NCOR1: variants seen among roughly 807,000 people sequenced by gnomAD.
NCOR1 encodes nuclear receptor corepressor 1.
Under a neutral mutation model 288.1 loss-of-function variants are expected in NCOR1, and 63 were observed. That is an observed-to-expected ratio of 0.22 (90% CI 0.18 to 0.27). The LOEUF (loss-of-function observed/expected upper bound fraction) is 0.27. Ranked by LOEUF, NCOR1 falls within the 10% of genes least tolerant of loss-of-function variation. NCOR1 has a pLI of 1.00. For synonymous variants in NCOR1, 1,007 were observed against 1,065.9 expected (o/e 0.94, Z 1.08); for missense variants, 2,397 against 3,019.2 (o/e 0.79, Z 4.83).
intron 1 of NCOR1, among the ~76,000 whole-genome samples, chr17:16,209,636 G>GT (rs569325583): frequency 6.6e-4 from 60 of 90,430 alleles, no homozygotes; most frequent in Non-Finnish European, 1.1e-3. Context: ...GCTTTTGGAT[G>GT]TAAAAAAAAA....
At chr17:16,129,413 T>C (rs531227163) in intron 14 of NCOR1, among the ~76,000 whole-genome samples, 58 of 152,356 alleles carry the variant, frequency 3.8e-4, no homozygotes, top group Middle Eastern at 3.4e-3. Context: ...AATACCATGA[T>C]TCCTTCACTT....
chr17:16,200,036 G>A (rs1449739589), intron 1 of NCOR1, among the ~76,000 whole-genome samples: 1 of 151,746 alleles, frequency 6.6e-6, no homozygotes, highest in African/African-American at 2.4e-5. Context: ...TTACTCAACA[G>A]GAAAATCTTG....
chr17:16,040,415 G>T (rs754354973), intron 43 of NCOR1, 26 bp downstream of exon 43: 25 of 1,607,698 alleles, frequency 1.6e-5, no homozygotes, highest in Non-Finnish European at 2.1e-5. Flanking sequence ...ATTTTGTATT[G>T]GTAAATAATG....
At chr17:16,080,837 A>G (rs1376934635) in intron 23 of NCOR1, 110 bp from the exon 24 acceptor site, 12 of 1,041,526 alleles carry the variant, frequency 1.2e-5, no homozygotes, top group African/African-American at 3.2e-5. Context: ...AAAAAAAATT[A>G]TACCCCTTCT....
At chr17:16,189,564 A>T (rs1261018318) in intron 2 of NCOR1, among the ~76,000 whole-genome samples, 1 of 152,288 alleles carries the variant, frequency 6.6e-6, no homozygotes, top group East Asian at 1.9e-4. Flanking sequence ...ACAGGAAAAA[A>T]GTTAAAAATG....
intron 1 of NCOR1, among the ~76,000 whole-genome samples, chr17:16,199,864 G>A (rs977083678): frequency 7.9e-5 from 12 of 152,108 alleles, no homozygotes; most frequent in Non-Finnish European, 1.8e-4. Context: ...ATAATTATAT[G>A]TCACTGTCAT....
intron 42 of NCOR1, chr17:16,044,646 G>GC (rs2058355897): frequency 1.6e-6 from 1 of 644,224 alleles, no homozygotes; most frequent in East Asian, 3.3e-5. Flanking sequence ...GAGCTCGCCT[G>GC]CATCTACTCA....
At chr17:16,215,075 C>CG (rs2153635861) in intron 1 of NCOR1, among the ~76,000 whole-genome samples, 1 of 152,370 alleles carries the variant, frequency 6.6e-6, no homozygotes, top group Admixed American at 6.5e-5. Flanking sequence ...CGCCCCTCCG[C>CG]ACAGGACACC....
intron 19 of NCOR1, among the ~76,000 whole-genome samples, chr17:16,107,072 T>A (rs1183492073): frequency 1.3e-5 from 2 of 151,292 alleles, no homozygotes; most frequent in Non-Finnish European, 2.9e-5. Context: ...TTTTTTTGTA[T>A]TTTTAGTAGA....
In NCOR1 at chr17:16,073,500, T is replaced by C. The variant is rs372678215; in HGVS notation, c.3740A>G (p.Tyr1247Cys). The change falls in exon 28 of 46, where the codon TAT (tyrosine) becomes TGT (cysteine). Residue 1247 changes from tyrosine (Y) to cysteine (C), a missense_variant. Tyr to Cys is a radical substitution (Grantham distance 194, BLOSUM62 -2). Around this residue, in one of 11 missense-constraint regions of NCOR1, gnomAD observed 1,872 missense variants for 2,187.8 expected, o/e 0.86. Transcript: ENST00000268712. Reference sequence around the variant, plus strand: ...CTTTATATTTCCTTCCACTGATTCATAGCTTCTCTTTAAACTGATTTCATG... The same window carrying C: ...CTTTATATTTCCTTCCACTGATTCACAGCTTCTCTTTAAACTGATTTCATG... ...TAHEISLKRS[Y>C]ESVEGNIKQG... is the part of the protein sequence containing the mutation. The C allele has an allele frequency of 1.2e-5, 19 of 1,612,588 alleles. No individual in the cohort carries two copies. Among genetic ancestry groups the C allele is most frequent in the African/African-American group, 4.0e-5 (3 of 74,912 alleles).
chr17:16,153,387 T>C lies in NCOR1; in HGVS notation c.741A>G (p.Ala247=). Residue 247 remains alanine, a synonymous_variant, in exon 7 of 46, where the codon GCA becomes GCG. Coordinates refer to ENST00000268712, the MANE Select transcript of NCOR1 (RefSeq NM_006311.4). ...QIIYDENRKK[A]EEAHKIFEGL... is the part of the protein sequence containing the mutation. ...CTTCAAAAATTTTATGAGCTTCTTC[T>C]GCTTTTTTCTAGAGATAAAGACATT... 5 of 1,595,782 alleles carry C rather than the reference T, an allele frequency of 3.1e-6. No individual in the cohort carries two copies. The highest frequency in any genetic ancestry group is 4.3e-6 in the Non-Finnish European group (5 of 1,168,744).
chr17:16,143,707 G>T lies in NCOR1; in HGVS notation c.1083-11C>A. ...CCCCTCTGCCCAACTCTAAACATGAGGGAGAAATTAAAAATATATTTAAAG... is the reference window on the plus strand; with the variant it reads ...CCCCTCTGCCCAACTCTAAACATGATGGAGAAATTAAAAATATATTTAAAG... On this transcript the variant is annotated splice_polypyrimidine_tract_variant and intron_variant, in intron 10 of 45. Coordinates refer to ENST00000268712, the MANE Select transcript of NCOR1 (RefSeq NM_006311.4). 1 of 1,593,502 alleles carries T rather than the reference G, an allele frequency of 6.3e-7. No individual in the cohort carries two copies. Among genetic ancestry groups the T allele is most frequent in the South Asian group, 1.1e-5 (1 of 88,786 alleles).
rs762009001 is a variant in NCOR1 at position 16,070,348 on chromosome 17, C to G, written c.4330G>C (p.Val1444Leu). The G allele has an allele frequency of 6.2e-7, 1 of 1,614,168 alleles. No homozygotes were observed. The highest frequency in any genetic ancestry group is 1.7e-5 in the Admixed American group (1 of 60,012). The change falls in exon 31 of 46, where the codon GTG becomes CTG. Residue 1444 changes from valine to leucine, a missense_variant. By Grantham distance (32) the Val-to-Leu change is conservative. Coordinates refer to ENST00000268712, the MANE Select transcript of NCOR1 (RefSeq NM_006311.4). Reference protein sequence around the residue: ...KYEDVKAGETVRSRHTSVVSS... With the variant: ...KYEDVKAGETLRSRHTSVVSS... ...ACCACTGACGTGTGCCGGGAACGCA[C>G]GGTCTCGCCTGCTTTCACATCCTCA...
intron 34 of NCOR1, 39 bp from the exon 35 acceptor site, chr17:16,064,226 C>T (rs771087412): frequency 1.3e-6 from 2 of 1,591,220 alleles, no homozygotes; most frequent in East Asian, 2.3e-5. Context: ...ATAAAAATAT[C>T]AACTGACTGA....
At position 16,064,112 on chromosome 17, in the gene NCOR1, C is replaced by T. The variant is rs751559486; in HGVS notation, c.5177G>A (p.Arg1726Gln). 1.3e-4 allele frequency: 216 copies of T among 1,613,974 alleles called. No individual in the cohort carries two copies. Among genetic ancestry groups the T allele is most frequent in the African/African-American group, 1.9e-4 (14 of 74,894 alleles). Residue 1726 changes from arginine to glutamine, a missense_variant, in exon 35 of 46, where the codon CGG becomes CAG. Physicochemically the swap from Arg to Gln is conservative, Grantham distance 43. This residue lies in a region of NCOR1 where 1,872 missense variants were observed against 2,187.8 expected (regional missense o/e 0.86). Coordinates refer to ENST00000268712, the MANE Select transcript of NCOR1 (RefSeq NM_006311.4). ...REREREKERE[R>Q]ERIAAASSDL... Reference sequence around the variant, plus strand: ...GGAGGAAGCTGCAGCAATCCGTTCCCGCTCCCGCTCCTTCTCCCGCTCCCG... The same window carrying T: ...GGAGGAAGCTGCAGCAATCCGTTCCTGCTCCCGCTCCTTCTCCCGCTCCCG...
chr17:16,093,689 T>C (rs1440477450), intron 21 of NCOR1, among the ~76,000 whole-genome samples: 1 of 152,204 alleles, frequency 6.6e-6, no homozygotes, highest in Admixed American at 6.5e-5. Context: ...CCCATAACTT[T>C]CTTGCCTTTG....
chr17:16,049,177 C>A (rs1597844475), intron 40 of NCOR1, 189 bp from the exon 41 acceptor site: 1 of 458,728 alleles, frequency 2.2e-6, no homozygotes, highest in South Asian at 5.0e-5. Context: ...ACAAAAAAAA[C>A]CACTGTGTTA....
chr17:16,086,255 A>T, intron 23 of NCOR1, 27 bp downstream of exon 23: 1 of 1,603,938 alleles, frequency 6.2e-7, no homozygotes, highest in Admixed American at 1.7e-5. Context: ...TCAACAAGAA[A>T]TCTACTGTAA....
intron 33 of NCOR1, 55 bp downstream of exon 33, chr17:16,065,430 A>C: frequency 1.9e-6 from 3 of 1,545,972 alleles, no homozygotes; most frequent in Middle Eastern, 2.0e-4. Context: ...AGTACCTAAG[A>C]AACACTAGGT....
Sources: gnomAD v4.1 joint callset for allele counts (sites outside exome capture counted in the v4.1 genomes callset) on GRCh38, gnomAD v4.1.1 for gene constraint, gnomAD v4.1.1 regional missense constraint, MANE v1.5 for transcripts, NCBI Gene and HGNC (gene_info 2026-07-23, HGNC 2026-07-21) for gene names.